The following GNA12 variants were observed in gnomAD, a reference collection of about 807,000 sequenced individuals.
GNA12 encodes the protein guanine nucleotide-binding protein subunit alpha-12.
A neutral mutation model predicts 26.0 loss-of-function variants in GNA12; 9 were observed. The observed-to-expected ratio is 0.35, with a 90% CI of 0.21 to 0.60. GNA12 has a LOEUF of 0.60. GNA12 is among the 20% of genes least tolerant of loss of function. The pLI, the probability that GNA12 is intolerant of heterozygous loss-of-function variation, is 0.78. For synonymous variants in GNA12, 264 were observed against 219.6 expected (o/e 1.20, Z -1.79); for missense variants, 405 against 525.8 (o/e 0.77, Z 2.25).
At chr7:2,789,371 G>A (rs1792459250) in intron 2 of GNA12, among the ~76,000 whole-genome samples, 1 of 149,800 alleles carries the variant, frequency 6.7e-6, no homozygotes, top group Admixed American at 6.6e-5. Flanking sequence ...TCCTGACCTC[G>A]TGATCCGCCC....
chr7:2,835,837 G>T, intron 1 of GNA12: 1 of 633,690 alleles, frequency 1.6e-6, no homozygotes, highest in Non-Finnish European at 3.0e-6. Flanking sequence ...TCAAATCGGT[G>T]ATGTCTTCAT....
intron 1 of GNA12, among the ~76,000 whole-genome samples, chr7:2,799,795 G>C (rs1792764878): frequency 6.6e-6 from 1 of 152,148 alleles, no homozygotes; most frequent in South Asian, 2.1e-4. Context: ...GGAAAAAGCA[G>C]ATCGAGACCT....
rs1322518519 is a variant in GNA12, at chr7:2,795,653, G to GA, written c.310-511dup. 1.6e-3 allele frequency among the ~76,000 whole-genome samples: 238 copies of GA among 148,010 alleles called. 1 individual carries two copies. Among genetic ancestry groups the GA allele is most frequent in the Middle Eastern group, 0.01 (3 of 290 alleles). On this transcript the variant is annotated intron_variant, in intron 1 of 3. Coordinates refer to ENST00000275364, the MANE Select transcript of GNA12 (RefSeq NM_007353.3). Reference sequence around the variant, plus strand: ...AAAAAAAAAAAAAGAAAAGAAAAAAGAAAAAAAAGAAAACAGATGTACATA... The same window carrying GA: ...AAAAAAAAAAAAAGAAAAGAAAAAAGAAAAAAAAAGAAAACAGATGTACATA...
At chr7:2,836,843 G>A (rs1778850730) in intron 1 of GNA12, among the ~76,000 whole-genome samples, 1 of 152,164 alleles carries the variant, frequency 6.6e-6, no homozygotes, top group Middle Eastern at 3.2e-3. Context: ...AGAATCGCTT[G>A]AACCTGGGTG....
chr7:2,839,009 AAT>A (rs1363529425), intron 1 of GNA12, among the ~76,000 whole-genome samples: 1 of 152,228 alleles, frequency 6.6e-6, no homozygotes, highest in African/African-American at 2.4e-5. Context: ...CACCACTATC[AAT>A]CAAGATCTGA....
chr7:2,740,265 T>A (rs1173104944), intron 2 of GNA12, among the ~76,000 whole-genome samples: 1 of 152,200 alleles, frequency 6.6e-6, no homozygotes, highest in Non-Finnish European at 1.5e-5. Flanking sequence ...AGAATTCCCA[T>A]GTGGAAGCCC....
At chr7:2,757,307 TG>T (rs1938435861) in intron 2 of GNA12, among the ~76,000 whole-genome samples, 1 of 151,766 alleles carries the variant, frequency 6.6e-6, no homozygotes, top group African/African-American at 2.4e-5. Flanking sequence ...GCTAATTTTT[TG>T]TAGTTTTAGT....
At chr7:2,743,433 C>T (rs1312090506) in intron 2 of GNA12, among the ~76,000 whole-genome samples, 1 of 152,168 alleles carries the variant, frequency 6.6e-6, no homozygotes, top group Non-Finnish European at 1.5e-5. Flanking sequence ...GTTATCAACT[C>T]AAATATCCCA....
chr7:2,808,647 C>T (rs1329784091), intron 1 of GNA12, among the ~76,000 whole-genome samples: 4 of 152,226 alleles, frequency 2.6e-5, no homozygotes, highest in East Asian at 3.8e-4. Context: ...CTTCCAGAGA[C>T]AGCTACAATT....
chr7:2,744,333 C>T (rs1420987744), intron 2 of GNA12, among the ~76,000 whole-genome samples: 3 of 152,154 alleles, frequency 2.0e-5, no homozygotes, highest in Non-Finnish European at 2.9e-5. Context: ...TCCAGAGGAA[C>T]GATCAGGCAG....
intron 1 of GNA12, among the ~76,000 whole-genome samples, chr7:2,840,137 G>A (rs1018010943): frequency 6.6e-6 from 1 of 152,198 alleles, no homozygotes; most frequent in Admixed American, 6.5e-5. Context: ...TATCCTGGTT[G>A]TAAGATTGTG....
chr7:2,763,872 G>C (rs1447221186), intron 2 of GNA12, among the ~76,000 whole-genome samples: 1 of 152,234 alleles, frequency 6.6e-6, no homozygotes, highest in African/African-American at 2.4e-5. Flanking sequence ...GAGAGCGAGG[G>C]AGACGGAGAG....
Position 2,728,361 on chromosome 7 carries a change from T to C in GNA12, c.*2820A>G, listed in dbSNP as rs1583197988. 3 of 152,240 alleles carry C rather than the reference T, an allele frequency of 2.0e-5. No individual in the cohort carries two copies. Among genetic ancestry groups the C allele is most frequent in the Admixed American group, 2.0e-4 (3 of 15,282 alleles). The allele number at this position is 152,240 out of a possible 1,614,324, so 9.4% of individuals were successfully genotyped here. A position where few individuals can be genotyped will look rare whatever the true frequency, so the allele number is the denominator to read the frequency against. On this transcript the variant is annotated 3_prime_UTR_variant, in exon 4 of 4. Transcript: ENST00000275364. ...AGAGTTTTTTTTTTCAATCTTGGAG[T>C]TAACAATCTGACTTATTTTTCTTTT...
At chr7:2,790,379 T>A (rs1013768567) in intron 2 of GNA12, among the ~76,000 whole-genome samples, 1 of 152,168 alleles carries the variant, frequency 6.6e-6, no homozygotes, top group Admixed American at 6.5e-5. Flanking sequence ...AGCCACCGAA[T>A]AGCTGGAACT....
intron 2 of GNA12, among the ~76,000 whole-genome samples, chr7:2,778,022 G>A (rs1288735323): frequency 6.6e-6 from 1 of 152,224 alleles, no homozygotes; most frequent in African/African-American, 2.4e-5. Flanking sequence ...AATCACAACT[G>A]CACTCACATC....
rs1003042417 is a variant in GNA12, at chr7:2,813,303, T to C, written c.310-18160A>G. Among the ~76,000 whole-genome samples the C allele has an allele frequency of 2.6e-5, 4 of 152,228 alleles. No individual in the cohort carries two copies. The South Asian group carries it at 8.3e-4, about 31-fold the overall frequency. The stretch of plus-strand genomic sequence containing the variant: ...TTATGAGCTTTGAGGAAACCGGCTT[T>C]CTCCACAGTCATGTTTTCATTTAAA... On this transcript the variant is annotated intron_variant, in intron 1 of 3. Coordinates refer to ENST00000275364, the MANE Select transcript of GNA12 (RefSeq NM_007353.3).
intron 1 of GNA12, among the ~76,000 whole-genome samples, chr7:2,817,172 C>G (rs1286744746): frequency 6.6e-6 from 1 of 152,238 alleles, no homozygotes; most frequent in Non-Finnish European, 1.5e-5. Context: ...ATGGCGCGAC[C>G]TCGGCTCACC....
intron 3 of GNA12, among the ~76,000 whole-genome samples, chr7:2,732,095 C>T (rs1195726806): frequency 6.6e-6 from 1 of 152,194 alleles, no homozygotes; most frequent in African/African-American, 2.4e-5. Flanking sequence ...TTTCTAACTC[C>T]TAAAGCTTAT....
intron 1 of GNA12, among the ~76,000 whole-genome samples, chr7:2,816,384 C>T (rs1048795144): frequency 2.0e-5 from 3 of 152,172 alleles, no homozygotes; most frequent in African/African-American, 7.2e-5. Context: ...GTGCCTGCCA[C>T]TATGCCCAGC....
Sources: gnomAD v4.1 joint callset for allele counts (sites outside exome capture counted in the v4.1 genomes callset) on GRCh38, gnomAD v4.1.1 for gene constraint, MANE v1.5 for transcripts, NCBI Gene and HGNC (gene_info 2026-07-23, HGNC 2026-07-21) for gene names.